ERC2: variants seen among roughly 807,000 people sequenced by gnomAD.
The protein encoded by ERC2 is ELKS/RAB6-interacting/CAST family member 2, also known as ERC protein 2.
In ERC2, 42 loss-of-function variants were observed where a neutral mutation model predicts 114.8. The ratio of observed to expected loss-of-function variants is 0.37; its 90% CI spans 0.29 to 0.47. ERC2 has a LOEUF of 0.47. ERC2 is among the 20% of genes least tolerant of loss of function. The probability of loss-of-function intolerance (pLI) is 0.99; values close to 1 mark genes in which losing one functional copy is unlikely to be tolerated. For missense variants in ERC2, 939 were observed against 1,150.7 expected (o/e 0.82, Z 2.66); for synonymous variants, 454 against 425.5 (o/e 1.07, Z -0.82).
intron 15 of ERC2, among the ~76,000 whole-genome samples, chr3:55,719,275 G>A (rs1322716686): frequency 6.6e-6 from 1 of 152,130 alleles, no homozygotes; most frequent in East Asian, 1.9e-4. Context: ...ACAAGCAGGA[G>A]GGCTCTTTAT....
chr3:55,908,653 G>T (rs781158425), intron 13 of ERC2, among the ~76,000 whole-genome samples: 4 of 152,080 alleles, frequency 2.6e-5, no homozygotes, highest in African/African-American at 4.8e-5. Flanking sequence ...TCTTTGGGAC[G>T]CAGTTTTCCT....
intron 13 of ERC2, among the ~76,000 whole-genome samples, chr3:55,916,261 C>T (rs967381621): frequency 6.6e-6 from 1 of 152,114 alleles, no homozygotes; most frequent in African/African-American, 2.4e-5. Flanking sequence ...ACTTTAGGCT[C>T]ATTTTACACA....
chr3:56,340,435 G>A (rs1370827563), intron 2 of ERC2, among the ~76,000 whole-genome samples: 3 of 152,062 alleles, frequency 2.0e-5, no homozygotes, highest in Admixed American at 1.3e-4. Context: ...GGTGTTTCCT[G>A]AAATTAGGTA....
chr3:56,160,037 T>C (rs539102180), intron 4 of ERC2, among the ~76,000 whole-genome samples: 1 of 152,298 alleles, frequency 6.6e-6, no homozygotes, highest in African/African-American at 2.4e-5. Context: ...CTGGGTCAAA[T>C]AGTAGTTATC....
intron 7 of ERC2, among the ~76,000 whole-genome samples, chr3:56,033,256 G>T (rs1160283628): frequency 3.9e-5 from 6 of 152,122 alleles, no homozygotes; most frequent in Admixed American, 6.5e-5. Context: ...AAATTAGCTG[G>T]GTGTGGTGGT....
intron 17 of ERC2, among the ~76,000 whole-genome samples, chr3:55,631,474 C>T (rs1162863765): frequency 6.6e-6 from 1 of 152,194 alleles, no homozygotes; most frequent in African/African-American, 2.4e-5. Flanking sequence ...CTGACACCTC[C>T]AGGTTGGCAC....
chr3:55,782,142 G>A (rs555559772), intron 14 of ERC2, among the ~76,000 whole-genome samples: 482 of 152,208 alleles, frequency 3.2e-3, no homozygotes, highest in African/African-American at 0.011. Context: ...ACCTTGGCTG[G>A]AATTCTTTTC....
At chr3:55,774,204 C>A (rs951498275) in intron 14 of ERC2, among the ~76,000 whole-genome samples, 1 of 151,988 alleles carries the variant, frequency 6.6e-6, no homozygotes, top group Admixed American at 6.6e-5. Flanking sequence ...TGGGCCATAA[C>A]CACATAGTTC....
intron 3 of ERC2, among the ~76,000 whole-genome samples, chr3:56,241,423 G>C (rs1226639398): frequency 6.6e-6 from 1 of 152,142 alleles, no homozygotes; most frequent in Non-Finnish European, 1.5e-5. Flanking sequence ...TGGAGAAAAG[G>C]TACGCCTTAT....
chr3:55,811,627 G>A (rs1300582244), intron 14 of ERC2, among the ~76,000 whole-genome samples: 2 of 152,066 alleles, frequency 1.3e-5, no homozygotes, highest in East Asian at 3.9e-4. Flanking sequence ...CCCACTGCCA[G>A]GGATACTGGT....
intron 13 of ERC2, among the ~76,000 whole-genome samples, chr3:55,916,625 C>G (rs1306242242): frequency 6.6e-6 from 1 of 152,168 alleles, no homozygotes; most frequent in Admixed American, 6.5e-5. Context: ...AGGTAGCTTG[C>G]ATTTGCTGTT....
chr3:55,752,544 A>C (rs2066778829), intron 14 of ERC2, among the ~76,000 whole-genome samples: 1 of 152,228 alleles, frequency 6.6e-6, no homozygotes, highest in Non-Finnish European at 1.5e-5. Flanking sequence ...TAGAGCCTAC[A>C]ATAGGAAATA....
intron 7 of ERC2, among the ~76,000 whole-genome samples, chr3:56,075,475 C>T (rs998443962): frequency 6.6e-6 from 1 of 152,176 alleles, no homozygotes; most frequent in Admixed American, 6.5e-5. Flanking sequence ...TATTGGGACC[C>T]CAGATATTCT....
chr3:56,233,948 G>T (rs2050785960), intron 3 of ERC2, among the ~76,000 whole-genome samples: 2 of 152,030 alleles, frequency 1.3e-5, no homozygotes, highest in Admixed American at 6.6e-5. Context: ...TATAATCTAG[G>T]ATAGTCTCCT....
intron 17 of ERC2, among the ~76,000 whole-genome samples, chr3:55,649,914 G>T (rs535665593): frequency 2.0e-5 from 3 of 152,168 alleles, no homozygotes; most frequent in Non-Finnish European, 4.4e-5. Flanking sequence ...TTAAATCCAC[G>T]TCGCTGGAAG....
intron 12 of ERC2, chr3:55,955,149 A>G: frequency 1.9e-6 from 1 of 516,916 alleles, no homozygotes; most frequent in Non-Finnish European, 3.9e-6. Flanking sequence ...AAACTCCTGG[A>G]AACTCCACAC....
At chr3:56,209,133 C>T (rs62253566) in intron 3 of ERC2, among the ~76,000 whole-genome samples, 1 of 152,138 alleles carries the variant, frequency 6.6e-6, no homozygotes, top group African/African-American at 2.4e-5. Context: ...CTCTGCCCAG[C>T]CTCCTTTCAC....
At chr3:55,601,490 TGTC>T (rs1162768663) in intron 17 of ERC2, among the ~76,000 whole-genome samples, 11 of 152,230 alleles carry the variant, frequency 7.2e-5, no homozygotes, top group African/African-American at 2.7e-4. Flanking sequence ...AGCTGCTCCC[TGTC>T]ATTTCACATT....
chr3:56,454,759 G>A (rs1045295241), intron 1 of ERC2, among the ~76,000 whole-genome samples: 4 of 150,714 alleles, frequency 2.7e-5, no homozygotes, highest in Non-Finnish European at 4.4e-5. Context: ...GCTGAGGCAC[G>A]AGGATCACGT....
Sources: gnomAD v4.1 joint callset for allele counts (sites outside exome capture counted in the v4.1 genomes callset) on GRCh38, gnomAD v4.1.1 for gene constraint, MANE v1.5 for transcripts, NCBI Gene and HGNC (gene_info 2026-07-23, HGNC 2026-07-21) for gene names.